The following CFAP47 variants were observed in gnomAD, a reference collection of about 807,000 sequenced individuals.
CFAP47 encodes the protein cilia and flagella associated protein 47.
In CFAP47, 29 loss-of-function variants were observed where a neutral mutation model predicts 148.1. The ratio of observed to expected loss-of-function variants is 0.20; its 90% CI spans 0.15 to 0.27. The LOEUF is 0.27. CFAP47 is among the 10% of genes least tolerant of loss of function. The probability of loss-of-function intolerance (pLI) is 1.00; values close to 1 mark genes in which losing one functional copy is unlikely to be tolerated. For synonymous variants in CFAP47, 664 were observed against 577.3 expected (o/e 1.15, Z -2.15); for missense variants, 1,872 against 1,697.5 (o/e 1.10, Z -1.81).
In CFAP47 at chrX:36,104,547, C is replaced by A; in HGVS notation, c.5176C>A (p.Pro1726Thr). Residue 1726 changes from proline to threonine, a missense_variant, in exon 33 of 64, where the codon CCC becomes ACC. Transcript: ENST00000378653. ...VVPYCSNNMPPICVQNTPKVN... is the reference protein window; with the variant it reads ...VVPYCSNNMPTICVQNTPKVN... ...GCCATACTGCAGCAATAATATGCCC[C>A]CCATATGTGTGCAAAATACACCAAA... is the stretch of plus-strand genomic sequence containing the variant. The A allele has an allele frequency of 9.8e-7, 1 of 1,018,491 alleles. No individual in the cohort carries two copies. The highest frequency in any genetic ancestry group is 1.4e-6 in the Non-Finnish European group (1 of 736,327). The allele number at this position is 1,018,491 out of a possible 1,213,427, so 83.9% of individuals were successfully genotyped here.
chrX:36,291,356 G>A (rs1556005519), intron 51 of CFAP47, among the ~76,000 whole-genome samples: 1 of 111,754 alleles, frequency 8.9e-6, no homozygotes, highest in East Asian at 2.8e-4. Context: ...GGATAGAAAG[G>A]AATAAGTCAG....
intron 49 of CFAP47, among the ~76,000 whole-genome samples, chrX:36,277,248 G>T (rs1490898667): frequency 8.9e-6 from 1 of 112,344 alleles, no homozygotes; most frequent in Non-Finnish European, 1.9e-5. Flanking sequence ...GAAGCTGATA[G>T]TGAATATAAG....
intron 58 of CFAP47, among the ~76,000 whole-genome samples, chrX:36,348,851 C>A (rs1556016999): frequency 1.8e-5 from 2 of 111,521 alleles, no homozygotes; most frequent in Non-Finnish European, 3.8e-5. Flanking sequence ...TAAATGTGTT[C>A]TCTGTTCTTA....
chrX:36,073,998 A>G (rs1016728409), intron 29 of CFAP47, among the ~76,000 whole-genome samples: 3 of 111,979 alleles, frequency 2.7e-5, no homozygotes, highest in Non-Finnish European at 5.6e-5. Context: ...GGCAGGGAGT[A>G]CAGTACTCAT....
intron 57 of CFAP47, among the ~76,000 whole-genome samples, chrX:36,334,289 C>T (rs1941586961): frequency 9.0e-6 from 1 of 111,456 alleles, no homozygotes; most frequent in Non-Finnish European, 1.9e-5. Flanking sequence ...CTACTTGCCA[C>T]CATATGGTCT....
Position 36,098,849 on chromosome X carries a change from A to T in CFAP47, c.4973A>T (p.Asp1658Val). 8.6e-7 allele frequency: 1 copy of T among 1,157,742 alleles called. No individual in the cohort carries two copies. The highest frequency in any genetic ancestry group is 1.2e-6 in the Non-Finnish European group (1 of 851,004). The change falls in exon 31 of 64, where the codon GAT becomes GTT. Residue 1658 changes from aspartate (D) to valine (V), a missense_variant. By Grantham distance (152) the Asp-to-Val change is radical. Coordinates refer to ENST00000378653, the MANE Select transcript of CFAP47 (RefSeq NM_001304548.2). ...CCAGAATTTTTGCTTGAACCAGAAG[A>T]TTATAAGAGGTGGATTGAAATTATG... Reference protein sequence around the residue: ...VLPEFLLEPEDYKRWIEIMSS... With the variant: ...VLPEFLLEPEVYKRWIEIMSS...
At chrX:36,323,428 A>G (rs1361206413) in intron 57 of CFAP47, among the ~76,000 whole-genome samples, 2 of 110,381 alleles carry the variant, frequency 1.8e-5, no homozygotes, top group African/African-American at 6.6e-5. Context: ...GCCAAGAAAT[A>G]TACTTTTGTA....
chrX:36,017,869 A>G (rs1339466549), intron 22 of CFAP47, among the ~76,000 whole-genome samples: 1 of 111,033 alleles, frequency 9.0e-6, no homozygotes, highest in Non-Finnish European at 1.9e-5. Context: ...GTTCCATATA[A>G]ATTTTAGGAT....
intron 6 of CFAP47, among the ~76,000 whole-genome samples, chrX:35,953,124 G>A (rs1818802092): frequency 8.9e-6 from 1 of 111,874 alleles, no homozygotes; most frequent in African/African-American, 3.2e-5. Context: ...AGCAATTCGT[G>A]TTCTCCAAAT....
At chrX:36,131,843 T>C (rs1311399170) in intron 33 of CFAP47, among the ~76,000 whole-genome samples, 1 of 110,886 alleles carries the variant, frequency 9.0e-6, no homozygotes, top group East Asian at 2.8e-4. Context: ...ATGTCCATGG[T>C]ATGAGGGAAG....
intron 29 of CFAP47, among the ~76,000 whole-genome samples, chrX:36,080,241 AC>A (rs1239357334): frequency 1.8e-5 from 2 of 111,955 alleles, no homozygotes; most frequent in African/African-American, 6.5e-5. Flanking sequence ...ATACCATCTC[AC>A]ATCCATTAGA....
intron 59 of CFAP47, 73 bp downstream of exon 59, chrX:36,350,205 T>C (rs1244783813): frequency 1.4e-6 from 1 of 697,667 alleles, no homozygotes; most frequent in African/African-American, 2.2e-5. Context: ...CCATCTTTTT[T>C]GTTTGAAGTC....
chrX:36,033,259 T>G (rs1937301469), intron 23 of CFAP47, among the ~76,000 whole-genome samples: 1 of 112,150 alleles, frequency 8.9e-6, no homozygotes, highest in African/African-American at 3.2e-5. Context: ...AATTGGTTGC[T>G]TCTGGGAAGC....
Position 36,263,669 on chromosome X carries a change from C to T in CFAP47, c.7444+12225C>T, listed in dbSNP as rs186003383. Among the ~76,000 whole-genome samples the T allele has an allele frequency of 3.4e-3, 383 of 111,618 alleles. 4 individuals are homozygous for T. The highest frequency in any genetic ancestry group is 0.011 in the African/African-American group (346 of 30,697). On this transcript the variant is annotated intron_variant, in intron 49 of 63. Coordinates refer to ENST00000378653, the MANE Select transcript of CFAP47 (RefSeq NM_001304548.2). ...GGTGAATGCTGCCTGACCTGGGACT[C>T]ACCCTTCAGGGCACTGGGCTCTCCT...
At chrX:36,044,817 G>A (rs1937446221) in intron 25 of CFAP47, among the ~76,000 whole-genome samples, 1 of 111,777 alleles carries the variant, frequency 8.9e-6, no homozygotes, top group African/African-American at 3.3e-5. Context: ...CACATTCTCA[G>A]GTATCTTACA....
chrX:35,919,816 G>A lies in CFAP47; in HGVS notation c.17G>A (p.Gly6Asp), dbSNP rs201797578. Reference protein sequence around the residue: MNTQKGSLTINVHRGS... With the variant: MNTQKDSLTINVHRGS... ...AGGGCAGCCATGAACACCCAAAAGG[G>A]TTCCCTCACCATAAACGTCCACAGA... Residue 6 changes from glycine to aspartate, a missense_variant, in exon 1 of 64, where the codon GGT (glycine) becomes GAT (aspartate). Transcript: ENST00000378653. 367 of 1,204,590 alleles carry A rather than the reference G, an allele frequency of 3.0e-4. 3 individuals carry two copies. In the East Asian group the frequency reaches 0.011, roughly 35 times the overall value.
At chrX:36,092,156 C>T (rs767413140) in intron 30 of CFAP47, among the ~76,000 whole-genome samples, 1 of 111,264 alleles carries the variant, frequency 9.0e-6, no homozygotes, top group Non-Finnish European at 1.9e-5. Context: ...TATGTACATA[C>T]ATAGGCTTTA....
intron 33 of CFAP47, among the ~76,000 whole-genome samples, chrX:36,124,889 A>T (rs934967955): frequency 9.0e-6 from 1 of 111,399 alleles, no homozygotes; most frequent in Non-Finnish European, 1.9e-5. Context: ...TTAAAATTTT[A>T]GGAATATTCA....
chrX:36,367,229 AG>A, intron 62 of CFAP47, 102 bp downstream of exon 62: 4 of 574,518 alleles, frequency 7.0e-6, no homozygotes, highest in Non-Finnish European at 1.0e-5. Flanking sequence ...TTGCTGGTTA[AG>A]CCAGCGCAAC....
Sources: gnomAD v4.1 joint callset for allele counts (sites outside exome capture counted in the v4.1 genomes callset) on GRCh38, gnomAD v4.1.1 for gene constraint, MANE v1.5 for transcripts, NCBI Gene and HGNC (gene_info 2026-07-23, HGNC 2026-07-21) for gene names.